The following GABRG1 variants were observed in gnomAD, a reference collection of about 807,000 sequenced individuals.
GABRG1 encodes the protein gamma-aminobutyric acid type A receptor subunit gamma1, also known as gamma-aminobutyric acid receptor subunit gamma-1.
GABRG1 carries 49 observed loss-of-function variants against 49.8 expected under a neutral mutation model. The ratio of observed to expected loss-of-function variants is 0.98; its 90% CI spans 0.78 to 1.25. GABRG1 has a LOEUF of 1.25. GABRG1 is among the 50% of genes most tolerant of loss of function. The probability of loss-of-function intolerance (pLI) is 0.00; values close to 1 mark genes in which losing one functional copy is unlikely to be tolerated. For synonymous variants in GABRG1, 232 were observed against 185.1 expected (o/e 1.25, Z -2.06); for missense variants, 552 against 552.3 (o/e 1.00, Z 0.01).
chr4:46,080,430 T>C (rs1719519559), intron 3 of GABRG1, among the ~76,000 whole-genome samples: 2 of 151,898 alleles, frequency 1.3e-5, no homozygotes, highest in South Asian at 4.1e-4. Flanking sequence ...ACAATGCTTT[T>C]CTTTTTAATA....
At chr4:46,111,032 C>T (rs893899026) in intron 1 of GABRG1, among the ~76,000 whole-genome samples, 9 of 150,844 alleles carry the variant, frequency 6.0e-5, no homozygotes, top group Admixed American at 4.6e-4. Context: ...TAAAAGGCAT[C>T]GAACAGAAAA....
intron 3 of GABRG1, among the ~76,000 whole-genome samples, chr4:46,067,320 A>T (rs1182952451): frequency 1.3e-5 from 2 of 152,126 alleles, no homozygotes; most frequent in Non-Finnish European, 2.9e-5. Context: ...ATACATAATA[A>T]TTATTTAAAA....
chr4:46,066,455 A>G (rs900397278), intron 3 of GABRG1, among the ~76,000 whole-genome samples: 1 of 152,226 alleles, frequency 6.6e-6, no homozygotes, highest in Non-Finnish European at 1.5e-5. Context: ...TGAAATATGT[A>G]CTACTATAAT....
chr4:46,088,254 A>T (rs1343341787), intron 2 of GABRG1, among the ~76,000 whole-genome samples: 1 of 152,046 alleles, frequency 6.6e-6, no homozygotes, highest in African/African-American at 2.4e-5. Context: ...ACTTCATAAA[A>T]CAGTCATATG....
rs996602535 is a variant in GABRG1, at chr4:46,100,389, G to A, written c.105-3040C>T. 2.0e-5 allele frequency among the ~76,000 whole-genome samples: 3 copies of A among 151,214 alleles called. No homozygotes were observed. In the South Asian group the frequency reaches 6.2e-4, roughly 31 times the overall value. On this transcript the variant is annotated intron_variant, in intron 1 of 8. Coordinates refer to ENST00000295452, the MANE Select transcript of GABRG1 (RefSeq NM_173536.4). ...TAATGGAGACTAGGCTTAATACCTG[G>A]GAGATGAAATAAGCTGTAAAACAAG...
intron 3 of GABRG1, among the ~76,000 whole-genome samples, chr4:46,079,611 C>T (rs1577652514): frequency 6.6e-6 from 1 of 151,890 alleles, no homozygotes; most frequent in East Asian, 1.9e-4. Context: ...CCAGTTCCTA[C>T]AATTAAATTC....
chr4:46,113,700 T>A (rs1720789676), intron 1 of GABRG1, among the ~76,000 whole-genome samples: 1 of 151,150 alleles, frequency 6.6e-6, no homozygotes, highest in Non-Finnish European at 1.5e-5. Context: ...CCCTCCTGAG[T>A]GCCAACTCCA....
Position 46,091,784 on chromosome 4 carries a change from A to G in GABRG1, c.253+5417T>C, listed in dbSNP as rs1719999552. On this transcript the variant is annotated intron_variant, in intron 2 of 8. Coordinates refer to ENST00000295452, the MANE Select transcript of GABRG1 (RefSeq NM_173536.4). ...ATGTCTGATGAAATACAGGCCGAGA[A>G]TTTCAAAAGCAGCTATGTTTCAACC... 2.0e-5 allele frequency among the ~76,000 whole-genome samples: 3 copies of G among 152,186 alleles called. No individual in the cohort carries two copies. The South Asian group carries it at 6.2e-4, about 32-fold the overall frequency.
At chr4:46,085,635 T>C (rs143791140) in intron 2 of GABRG1, among the ~76,000 whole-genome samples, 2 of 151,646 alleles carry the variant, frequency 1.3e-5, no homozygotes, top group African/African-American at 4.8e-5. Context: ...ATATTTCATA[T>C]TAATTTTGAA....
chr4:46,111,748 C>G (rs1426126364), intron 1 of GABRG1, among the ~76,000 whole-genome samples: 1 of 151,278 alleles, frequency 6.6e-6, no homozygotes, highest in Non-Finnish European at 1.5e-5. Context: ...GAAAAGGACT[C>G]TCTATTCAAT....
At position 46,040,384 on chromosome 4, in the gene GABRG1, T is replaced by C. The variant is rs1717722951; in HGVS notation, c.*604A>G. 6.6e-6 allele frequency: 1 copy of C among 152,310 alleles called. No homozygotes were observed. Among genetic ancestry groups the C allele is most frequent in the African/African-American group, 2.4e-5 (1 of 41,424 alleles). The allele number at this position is 152,310 out of a possible 1,614,324, so 9.4% of individuals were successfully genotyped here. On this transcript the variant is annotated 3_prime_UTR_variant, in exon 9 of 9. Coordinates refer to ENST00000295452, the MANE Select transcript of GABRG1 (RefSeq NM_173536.4). ...ATATTGTGTCAGAAAATGGACTGGATTAAAAGACAGGTAAAAATTGACCTT... is the reference window on the plus strand; with the variant it reads ...ATATTGTGTCAGAAAATGGACTGGACTAAAAGACAGGTAAAAATTGACCTT...
At chr4:46,098,965 T>C (rs1288285973) in intron 1 of GABRG1, among the ~76,000 whole-genome samples, 1 of 151,730 alleles carries the variant, frequency 6.6e-6, no homozygotes, top group African/African-American at 2.4e-5. Flanking sequence ...AAAATCCTTA[T>C]ATTGCCATAA....
intron 2 of GABRG1, among the ~76,000 whole-genome samples, chr4:46,096,321 C>A (rs1237354622): frequency 1.3e-5 from 2 of 151,234 alleles, no homozygotes; most frequent in East Asian, 1.9e-4. Context: ...CTGAGAATCC[C>A]GAGTAAAGGG....
intron 7 of GABRG1, among the ~76,000 whole-genome samples, chr4:46,057,605 T>C (rs1718502033): frequency 6.6e-6 from 1 of 152,126 alleles, no homozygotes. Context: ...TAAAAGTCTA[T>C]TTTGTCAAGT....
At chr4:46,041,667 C>T (rs1717792124) in intron 8 of GABRG1, among the ~76,000 whole-genome samples, 2 of 151,780 alleles carry the variant, frequency 1.3e-5, no homozygotes, top group African/African-American at 2.4e-5. Context: ...GCAAAGAAGA[C>T]ATTTTGATAA....
intron 1 of GABRG1, among the ~76,000 whole-genome samples, chr4:46,105,172 A>T (rs1318774874): frequency 4.6e-5 from 7 of 151,458 alleles, no homozygotes; most frequent in African/African-American, 1.5e-4. Flanking sequence ...AAGCTGGCAG[A>T]ATGATACTTG....
chr4:46,089,427 C>T (rs760728748), intron 2 of GABRG1, among the ~76,000 whole-genome samples: 1 of 151,986 alleles, frequency 6.6e-6, no homozygotes. Flanking sequence ...TATATCTCCC[C>T]CATGTCCCCA....
intron 1 of GABRG1, among the ~76,000 whole-genome samples, chr4:46,105,837 T>TAGATAGATGAC (rs1720519315): frequency 7.2e-6 from 1 of 139,160 alleles, no homozygotes; most frequent in Admixed American, 7.3e-5. Context: ...AGATAGATGA[T>TAGATAGATGAC]AGATATTCTC....
intron 1 of GABRG1, among the ~76,000 whole-genome samples, chr4:46,107,854 A>G (rs1292497961): frequency 6.6e-6 from 1 of 151,222 alleles, no homozygotes; most frequent in Non-Finnish European, 1.5e-5. Flanking sequence ...TATTATCAGA[A>G]TACTATTCTA....
Sources: allele counts gnomAD v4.1 joint callset (sites outside exome capture counted in the v4.1 genomes callset), GRCh38; gene constraint gnomAD v4.1.1; transcripts MANE v1.5; gene names NCBI Gene and HGNC (gene_info 2026-07-23, HGNC 2026-07-21).